The following LANCL2 variants were observed in gnomAD, a reference collection of about 807,000 sequenced individuals.
LANCL2 encodes the protein lanC-like protein 2.
A neutral mutation model predicts 56.9 loss-of-function variants in LANCL2; 33 were observed. The ratio of observed to expected loss-of-function variants is 0.58; its 90% CI spans 0.44 to 0.78. The LOEUF (loss-of-function observed/expected upper bound fraction) is 0.78. Among genes scored for constraint, LANCL2 ranks in the 30% least tolerant of loss-of-function variants. LANCL2 has a pLI of 0.00. For synonymous variants in LANCL2, 233 were observed against 228.2 expected (o/e 1.02, Z -0.19); for missense variants, 562 against 580.2 (o/e 0.97, Z 0.32).
chr7:55,396,042 T>C (rs1562862236), intron 2 of LANCL2, among the ~76,000 whole-genome samples: 1 of 152,208 alleles, frequency 6.6e-6, no homozygotes, highest in Non-Finnish European at 1.5e-5. Context: ...TATCTAAACA[T>C]AGATATAGAA....
chr7:55,383,448 C>T (rs1285419802), intron 1 of LANCL2, among the ~76,000 whole-genome samples: 3 of 152,178 alleles, frequency 2.0e-5, no homozygotes, highest in African/African-American at 7.2e-5. Context: ...CCCTCCCACC[C>T]TAGCCTTTTA....
At chr7:55,396,163 A>G (rs1790249986) in intron 2 of LANCL2, among the ~76,000 whole-genome samples, 2 of 152,224 alleles carry the variant, frequency 1.3e-5, no homozygotes, top group Admixed American at 1.3e-4. Context: ...AGTGTGGGCA[A>G]GCCAGAGAGA....
At position 55,433,174 on chromosome 7, in the gene LANCL2, T is replaced by C. The variant is rs1349861391; in HGVS notation, c.*1854T>C. ...CCCTCTCAGACGAGGAGGCAGCGGGTGCAGCCAGGTGTCTGCAGAGCAGCC... is the reference window on the plus strand; with the variant it reads ...CCCTCTCAGACGAGGAGGCAGCGGGCGCAGCCAGGTGTCTGCAGAGCAGCC... On this transcript the variant is annotated 3_prime_UTR_variant, in exon 9 of 9. Coordinates refer to ENST00000254770, the MANE Select transcript of LANCL2 (RefSeq NM_018697.4). 6.6e-6 allele frequency: 1 copy of C among 152,284 alleles called. No individual in the cohort carries two copies. Among genetic ancestry groups the C allele is most frequent in the African/African-American group, 2.4e-5 (1 of 41,438 alleles). The allele number at this position is 152,284 out of a possible 1,614,324, so 9.4% of individuals were successfully genotyped here. A position where few individuals can be genotyped will look rare whatever the true frequency, so the allele number is the denominator to read the frequency against.
intron 5 of LANCL2, among the ~76,000 whole-genome samples, chr7:55,405,941 G>A (rs1408562617): frequency 1.3e-5 from 2 of 152,192 alleles, no homozygotes; most frequent in Non-Finnish European, 2.9e-5. Context: ...CCTGCTGCAC[G>A]GTTCGTGGCT....
chr7:55,374,926 T>G (rs766356704), intron 1 of LANCL2, among the ~76,000 whole-genome samples: 1 of 152,230 alleles, frequency 6.6e-6, no homozygotes, highest in Admixed American at 6.5e-5. Context: ...TTTCTGCATG[T>G]GTACCATGAT....
Position 55,366,216 on chromosome 7 carries a change from A to G in LANCL2, c.191A>G (p.His64Arg), listed in dbSNP as rs766254477. ...ACGGATGAGCCCGGCCTCCCTTTTC[A>G]TCAGGACGGGAAGGTGAGTCGGCGG... is the stretch of plus-strand genomic sequence containing the variant. ...ATTDEPGLPF[H>R]QDGKIIHNFI... Residue 64 changes from histidine to arginine, a missense_variant, in exon 1 of 9, where the codon CAT becomes CGT. Transcript: ENST00000254770. 19 of 1,536,348 alleles carry G rather than the reference A, an allele frequency of 1.2e-5. No homozygotes were observed. Among genetic ancestry groups the G allele is most frequent in the Non-Finnish European group, 1.7e-5 (19 of 1,137,458 alleles).
intron 5 of LANCL2, among the ~76,000 whole-genome samples, chr7:55,408,803 AG>A (rs544904622): frequency 5.1e-4 from 77 of 152,148 alleles, no homozygotes; most frequent in African/African-American, 1.8e-3. Context: ...AAAGGGATAA[AG>A]AGACAATGCT....
intron 6 of LANCL2, among the ~76,000 whole-genome samples, chr7:55,421,339 C>CTTTTTT (rs11416515): frequency 9.6e-6 from 1 of 104,650 alleles, no homozygotes; most frequent in South Asian, 3.4e-4. Context: ...TCTGTTGACT[C>CTTTTTT]TTTTTTTTTT....
At chr7:55,429,042 G>A (rs1164811328) in intron 8 of LANCL2, among the ~76,000 whole-genome samples, 1 of 152,140 alleles carries the variant, frequency 6.6e-6, no homozygotes, top group African/African-American at 2.4e-5. Context: ...TTTGTATGTG[G>A]GTATGGGCGT....
At position 55,382,797 on chromosome 7, in the gene LANCL2, T is replaced by C. The variant is rs577893362; in HGVS notation, c.205-8996T>C. Among the ~76,000 whole-genome samples the C allele has an allele frequency of 1.4e-3, 213 of 152,264 alleles. 2 individuals are homozygous for C. The highest frequency in any genetic ancestry group is 5.0e-3 in the African/African-American group (208 of 41,548). ...GTAGTGATGTTATCCTGAAGAGCAA[T>C]TGGGGAGGTTTGGAATCTTGTGGCC... On this transcript the variant is annotated intron_variant, in intron 1 of 8. Coordinates refer to ENST00000254770, the MANE Select transcript of LANCL2 (RefSeq NM_018697.4).
In LANCL2 at chr7:55,432,869, G is replaced by A. The variant is rs1790746533; in HGVS notation, c.*1549G>A. ...GACTTCTGTGAATAGAAATCATCCT[G>A]ATCCTATTTTACCTGGCCTCCAGGG... On this transcript the variant is annotated 3_prime_UTR_variant, in exon 9 of 9. Transcript: ENST00000254770. The A allele has an allele frequency of 1.3e-5, 2 of 152,300 alleles. No homozygotes were observed. Among genetic ancestry groups the A allele is most frequent in the South Asian group, 4.2e-4 (2 of 4,818 alleles). 9.4% of individuals were successfully genotyped at this position (152,300 alleles called of 1,614,324 possible). A position where few individuals can be genotyped will look rare whatever the true frequency, so the allele number is the denominator to read the frequency against.
intron 1 of LANCL2, among the ~76,000 whole-genome samples, chr7:55,370,292 G>T (rs1478478231): frequency 6.6e-6 from 1 of 152,204 alleles, no homozygotes; most frequent in South Asian, 2.1e-4. Context: ...ACCCAAGATG[G>T]AAGCTGCAGT....
chr7:55,372,617 A>G (rs535218631), intron 1 of LANCL2, among the ~76,000 whole-genome samples: 1 of 152,346 alleles, frequency 6.6e-6, no homozygotes, highest in South Asian at 2.1e-4. Context: ...ACCTAGGTAC[A>G]CATAGTTACT....
At chr7:55,371,542 GTAATATTTGTTTA>G (rs1384802022) in intron 1 of LANCL2, among the ~76,000 whole-genome samples, 12 of 152,114 alleles carry the variant, frequency 7.9e-5, no homozygotes, top group African/African-American at 2.9e-4. Context: ...ATTTGATATA[GTAATATTTGTTTA>G]TTTCTGCTTT....
intron 1 of LANCL2, among the ~76,000 whole-genome samples, chr7:55,375,435 C>T (rs1789990228): frequency 6.6e-6 from 1 of 152,296 alleles, no homozygotes; most frequent in African/African-American, 2.4e-5. Context: ...ACAGAATGCC[C>T]CCCTGCTTTT....
chr7:55,397,894 C>G (rs1157313883), intron 2 of LANCL2, among the ~76,000 whole-genome samples: 1 of 151,614 alleles, frequency 6.6e-6, no homozygotes, highest in African/African-American at 2.4e-5. Context: ...GGCGAGTTCA[C>G]TCACCAGTTC....
chr7:55,398,394 T>C (rs1424904632), intron 2 of LANCL2, 29 bp from the exon 3 acceptor site: 1 of 1,530,002 alleles, frequency 6.5e-7, no homozygotes, highest in South Asian at 1.1e-5. Context: ...ATAATAATGC[T>C]TTTCTTTTGG....
intron 1 of LANCL2, among the ~76,000 whole-genome samples, chr7:55,371,591 C>A (rs1789944048): frequency 1.3e-5 from 2 of 151,978 alleles, no homozygotes; most frequent in Non-Finnish European, 2.9e-5. Flanking sequence ...TGGTGTCATA[C>A]CAAAAAATTA....
intron 4 of LANCL2, among the ~76,000 whole-genome samples, chr7:55,400,944 TAGAC>T (rs748013597): frequency 5.3e-5 from 8 of 152,244 alleles, no homozygotes; most frequent in African/African-American, 1.2e-4. Flanking sequence ...TTTTATTTCT[TAGAC>T]AGTATCTTTT....
Sources: allele counts gnomAD v4.1 joint callset (sites outside exome capture counted in the v4.1 genomes callset), GRCh38; gene constraint gnomAD v4.1.1; transcripts MANE v1.5; gene names NCBI Gene and HGNC (gene_info 2026-07-23, HGNC 2026-07-21).